Variants in RNF220 observed in about 807,000 individuals in gnomAD.
The protein encoded by RNF220 is ring finger protein 220, also known as E3 ubiquitin-protein ligase RNF220.
Under a neutral mutation model 67.1 loss-of-function variants are expected in RNF220, and 7 were observed. The observed-to-expected ratio is 0.10, with a 90% CI of 0.06 to 0.20. RNF220 has a LOEUF of 0.20. RNF220 is among the 10% of genes least tolerant of loss of function. The pLI is 1.00. For missense variants in RNF220, 565 were observed against 740.3 expected (o/e 0.76, Z 2.75); for synonymous variants, 270 against 283.2 (o/e 0.95, Z 0.47).
chr1:44,450,166 G>A (rs185189321), intron 2 of RNF220, among the ~76,000 whole-genome samples: 82 of 152,072 alleles, frequency 5.4e-4, no homozygotes, highest in Admixed American at 8.5e-4. Flanking sequence ...CCGAGATTGC[G>A]CCATTGCACT....
In RNF220 at chr1:44,650,608, A is replaced by G. The variant is rs1644766424; in HGVS notation, c.1630-96A>G. The G allele has an allele frequency of 7.5e-7, 1 of 1,326,416 alleles. No individual in the cohort carries two copies. Among genetic ancestry groups the G allele is most frequent in the African/African-American group, 1.4e-5 (1 of 69,370 alleles). 82.2% of individuals were successfully genotyped at this position (1,326,416 alleles called of 1,614,324 possible). On this transcript the variant is annotated intron_variant, in intron 14 of 14. Transcript: ENST00000361799. The surrounding 1 kb of genome is among the most constrained non-coding windows in gnomAD (Gnocchi z 4.3). ...GCTGACAGGACCAAGGTCTCAGCACACACTGGTGCAGAGAGACATGGCTGC... is the reference window on the plus strand; with the variant it reads ...GCTGACAGGACCAAGGTCTCAGCACGCACTGGTGCAGAGAGACATGGCTGC...
At chr1:44,582,349 A>G (rs1400734954) in intron 2 of RNF220, among the ~76,000 whole-genome samples, 1 of 152,222 alleles carries the variant, frequency 6.6e-6, no homozygotes, top group Non-Finnish European at 1.5e-5. Context: ...CTTGCCGTCC[A>G]GTATTTAAAG....
At chr1:44,547,088 G>A (rs1662225055) in intron 2 of RNF220, among the ~76,000 whole-genome samples, 1 of 152,214 alleles carries the variant, frequency 6.6e-6, no homozygotes, top group African/African-American at 2.4e-5. Context: ...TAGGCCCTGG[G>A]AATCTGTGGA....
chr1:44,476,696 C>T (rs775315506), intron 2 of RNF220, among the ~76,000 whole-genome samples: 2 of 152,188 alleles, frequency 1.3e-5, no homozygotes, highest in Non-Finnish European at 1.5e-5. Flanking sequence ...GTTAGAGTCA[C>T]TGGGTTGTGG....
intron 2 of RNF220, among the ~76,000 whole-genome samples, chr1:44,544,046 G>A (rs1572833529): frequency 6.6e-6 from 1 of 152,320 alleles, no homozygotes; most frequent in East Asian, 1.9e-4. Context: ...GGGACAGAGA[G>A]CAGCAGCTCT....
chr1:44,579,492 G>A (rs1360950981), intron 2 of RNF220, among the ~76,000 whole-genome samples: 1 of 152,190 alleles, frequency 6.6e-6, no homozygotes, highest in Admixed American at 6.5e-5. Context: ...GAACAGGGTG[G>A]CTCCATCACT....
At chr1:44,548,673 G>A (rs921148384) in intron 2 of RNF220, among the ~76,000 whole-genome samples, 2 of 151,952 alleles carry the variant, frequency 1.3e-5, no homozygotes, top group African/African-American at 4.8e-5. Flanking sequence ...AATTATTTTT[G>A]TAGAGACAGG....
intron 2 of RNF220, among the ~76,000 whole-genome samples, chr1:44,482,209 T>C (rs751559737): frequency 1.3e-5 from 2 of 152,218 alleles, no homozygotes; most frequent in Non-Finnish European, 2.9e-5. Context: ...GAACCCATAT[T>C]TGATTTCTAT....
intron 2 of RNF220, among the ~76,000 whole-genome samples, chr1:44,500,201 C>A (rs1172558634): frequency 6.6e-6 from 1 of 152,250 alleles, no homozygotes; most frequent in Non-Finnish European, 1.5e-5. Context: ...CCCTCTCTGG[C>A]CTCCCTGCCC....
At position 44,421,305 on chromosome 1, in the gene RNF220, T is replaced by TAG. The variant is rs1290518648; in HGVS notation, c.625+8585_625+8586dup. On this transcript the variant is annotated intron_variant, in intron 2 of 14. Coordinates refer to ENST00000361799, the MANE Select transcript of RNF220 (RefSeq NM_018150.4). ...ATATTGTTTGAAATCAATGGGTTATTAGAATTTGTGTGTGATAGAGATTTG... is the reference window on the plus strand; with the variant it reads ...ATATTGTTTGAAATCAATGGGTTATTAGAGAATTTGTGTGTGATAGAGATTTG... Among the ~76,000 whole-genome samples, 3 of 152,328 alleles carry TAG rather than the reference T, an allele frequency of 2.0e-5. No individual in the cohort carries two copies. In the East Asian group the frequency reaches 5.8e-4, roughly 29 times the overall value.
intron 1 of RNF220, among the ~76,000 whole-genome samples, chr1:44,407,838 G>T (rs1044215093): frequency 6.6e-6 from 1 of 152,144 alleles, no homozygotes; most frequent in Admixed American, 6.5e-5. Flanking sequence ...GGCGGGACCC[G>T]GGTGACCCCC....
At chr1:44,521,632 C>T (rs985324880) in intron 2 of RNF220, among the ~76,000 whole-genome samples, 2 of 152,158 alleles carry the variant, frequency 1.3e-5, no homozygotes, top group Non-Finnish European at 2.9e-5. Flanking sequence ...CTTCCTTAGG[C>T]AAGTCTTCCT....
intron 2 of RNF220, among the ~76,000 whole-genome samples, chr1:44,580,133 G>A (rs1665163361): frequency 6.6e-6 from 1 of 150,840 alleles, no homozygotes; most frequent in Non-Finnish European, 1.5e-5. Flanking sequence ...GGAGAAGGTT[G>A]TCCCTTCATC....
At chr1:44,461,920 C>CTTTTTTTTTTTTTT (rs1445179984) in intron 2 of RNF220, among the ~76,000 whole-genome samples, 7 of 118,200 alleles carry the variant, frequency 5.9e-5, no homozygotes, top group African/African-American at 2.4e-4. Context: ...TTTCTTTTTT[C>CTTTTTTTTTTTTTT]TTTGTTTTTT....
At chr1:44,459,605 AT>A (rs796537183) in intron 2 of RNF220, among the ~76,000 whole-genome samples, 266 of 152,298 alleles carry the variant, frequency 1.7e-3, no homozygotes, top group African/African-American at 6.1e-3. Context: ...AAAAAGTGAG[AT>A]TTGATCCTGT....
Position 44,636,087 on chromosome 1 carries a change from A to C in RNF220, c.1051A>C (p.Asn351His), listed in dbSNP as rs199570541. Reference sequence around the variant, plus strand: ...TGTGGACATCGAGCATGAGAACAACAACCGCTTTGAGGAGTATGAGTGGTG... The same window carrying C: ...TGTGGACATCGAGCATGAGAACAACCACCGCTTTGAGGAGTATGAGTGGTG... ...DAVDIEHENN[N>H]RFEEYEWCGQ... Residue 351 changes from asparagine (N) to histidine (H), a missense_variant, in exon 8 of 15, where the codon AAC (asparagine) becomes CAC (histidine). Physicochemically the swap from Asn to His is moderately conservative, Grantham distance 68. Transcript: ENST00000361799. 8.1e-6 allele frequency: 13 copies of C among 1,614,198 alleles called. No homozygotes were observed. The highest frequency in any genetic ancestry group is 4.5e-5 in the East Asian group (2 of 44,882).
chr1:44,503,592 C>T (rs1335703535), intron 2 of RNF220, among the ~76,000 whole-genome samples: 2 of 152,228 alleles, frequency 1.3e-5, no homozygotes, highest in Non-Finnish European at 2.9e-5. Flanking sequence ...CAGACACCCC[C>T]TGTTCCGCCC....
chr1:44,409,932 A>T (rs1647800692), intron 1 of RNF220, among the ~76,000 whole-genome samples: 1 of 152,214 alleles, frequency 6.6e-6, no homozygotes, highest in South Asian at 2.1e-4. Flanking sequence ...CCCCATGGAG[A>T]CCAACGCCCA....
At chr1:44,550,869 T>C (rs981145599) in intron 2 of RNF220, among the ~76,000 whole-genome samples, 9 of 152,094 alleles carry the variant, frequency 5.9e-5, no homozygotes, top group African/African-American at 1.9e-4. Context: ...GGACCCCCTG[T>C]TCATTTCACT....
Sources: allele counts gnomAD v4.1 joint callset (sites outside exome capture counted in the v4.1 genomes callset), GRCh38; gene constraint gnomAD v4.1.1; non-coding constraint Gnocchi (gnomAD v3.1); transcripts MANE v1.5; gene names NCBI Gene and HGNC (gene_info 2026-07-23, HGNC 2026-07-21).